The following COL24A1 variants were observed in gnomAD, a reference collection of about 807,000 sequenced individuals.
The protein encoded by COL24A1 is collagen alpha-1(XXIV) chain.
Under a neutral mutation model 253.9 loss-of-function variants are expected in COL24A1, and 224 were observed. The observed-to-expected ratio is 0.88, with a 90% confidence interval of 0.79 to 0.99. COL24A1 has a LOEUF of 0.99. Among genes scored for constraint, COL24A1 ranks in the 50% least tolerant of loss-of-function variants. COL24A1 has a pLI of 0.00. For missense variants in COL24A1, 2,131 were observed against 2,068.5 expected, an observed-to-expected ratio of 1.03 and a Z score of -0.59; for synonymous variants, 685 against 673.7, an observed-to-expected ratio of 1.02 and a Z score of -0.26.
intron 25 of COL24A1, 139 bp downstream of exon 25, chr1:85,911,241 A>G (rs1239912602): frequency 1.5e-6 from 1 of 646,778 alleles, no homozygotes; most frequent in Non-Finnish European, 2.7e-6. Context: ...ATATTTCAAT[A>G]TATTTAAGAT....
chr1:85,867,727 T>C (rs191222446), intron 37 of COL24A1, among the ~76,000 whole-genome samples: 1 of 152,132 alleles, frequency 6.6e-6, no homozygotes, highest in African/African-American at 2.4e-5. Context: ...AAAGATGCTA[T>C]TTTCTCTCTC....
chr1:85,883,657 C>G (rs1234433116), intron 32 of COL24A1: 1 of 152,108 alleles, frequency 6.6e-6, no homozygotes, highest in African/African-American at 2.4e-5. Context: ...TAACCCAAGT[C>G]CATTTTCTTT....
chr1:85,885,469 C>T (rs1682390964), intron 32 of COL24A1, among the ~76,000 whole-genome samples: 1 of 151,004 alleles, frequency 6.6e-6, no homozygotes, highest in Admixed American at 6.6e-5. Flanking sequence ...GATCCACCTG[C>T]TTTGGCCTCC....
intron 20 of COL24A1, among the ~76,000 whole-genome samples, chr1:85,983,698 T>C (rs1012728299): frequency 6.6e-6 from 1 of 151,858 alleles, no homozygotes. Context: ...GCTTCTATGA[T>C]ACAGTACACC....
At chr1:85,761,282 A>C in intron 55 of COL24A1, 114 bp downstream of exon 55, 3 of 1,179,000 alleles carry the variant, frequency 2.5e-6, no homozygotes, top group South Asian at 2.8e-5. Flanking sequence ...AGCAAAAAAG[A>C]ACAGAGGTAT....
chr1:86,149,905 A>G (rs1350530216), intron 1 of COL24A1, among the ~76,000 whole-genome samples: 6 of 152,220 alleles, frequency 3.9e-5, no homozygotes, highest in Non-Finnish European at 7.3e-5. Flanking sequence ...AATGACTGAA[A>G]TAGATTCTCT....
At chr1:85,816,743 A>G in intron 47 of COL24A1, 45 bp downstream of exon 47, 1 of 1,479,346 alleles carries the variant, frequency 6.8e-7, no homozygotes, top group Non-Finnish European at 9.5e-7. Flanking sequence ...GCAAGGAGAC[A>G]CATGCATAGG....
intron 2 of COL24A1, among the ~76,000 whole-genome samples, chr1:86,133,258 C>T (rs530062894): frequency 3.2e-4 from 48 of 152,132 alleles, no homozygotes; most frequent in African/African-American, 1.1e-3. Context: ...GGGGCTGAGA[C>T]GATGGGGTTT....
intron 53 of COL24A1, among the ~76,000 whole-genome samples, chr1:85,763,473 G>A (rs1667035295): frequency 6.8e-6 from 1 of 146,536 alleles, no homozygotes; most frequent in East Asian, 2.0e-4. Context: ...GATTGTCTCT[G>A]TTAATTTTCT....
At chr1:85,945,639 T>C (rs944798090) in intron 24 of COL24A1, among the ~76,000 whole-genome samples, 22 of 148,002 alleles carry the variant, frequency 1.5e-4, no homozygotes, top group African/African-American at 5.3e-4. Context: ...ACTAGATACA[T>C]ACTAAGCTAG....
At chr1:85,754,701 A>G (rs2101028890) in intron 55 of COL24A1, among the ~76,000 whole-genome samples, 1 of 152,270 alleles carries the variant, frequency 6.6e-6, no homozygotes, top group East Asian at 1.9e-4. Flanking sequence ...TTTACTAGAT[A>G]GGCTCTACAG....
At chr1:86,007,037 C>A (rs1204845726) in intron 19 of COL24A1, among the ~76,000 whole-genome samples, 2 of 149,038 alleles carry the variant, frequency 1.3e-5, no homozygotes, top group South Asian at 2.1e-4. Context: ...CATAGTGAGA[C>A]CTTGTCTCTA....
At chr1:85,761,356 CT>C in intron 55 of COL24A1, 39 bp downstream of exon 55, 1 of 1,608,900 alleles carries the variant, frequency 6.2e-7, no homozygotes, top group South Asian at 1.1e-5. Context: ...ATATGACATA[CT>C]AAGATAAAAC....
chr1:86,077,929 C>T (rs1326084587), intron 7 of COL24A1, among the ~76,000 whole-genome samples: 1 of 152,002 alleles, frequency 6.6e-6, no homozygotes. Flanking sequence ...ACGTGTATAC[C>T]TATGTAACAA....
intron 19 of COL24A1, among the ~76,000 whole-genome samples, chr1:85,992,738 A>G (rs1049348067): frequency 5.3e-5 from 8 of 152,226 alleles, no homozygotes. Flanking sequence ...AAAATAATTT[A>G]GAAAACATTA....
At chr1:85,823,637 T>G in intron 44 of COL24A1, 48 bp from the exon 45 acceptor site, 1 of 1,612,920 alleles carries the variant, frequency 6.2e-7, no homozygotes, top group Non-Finnish European at 8.5e-7. Flanking sequence ...AGAGACCAAA[T>G]AAGTTATATT....
intron 57 of COL24A1, among the ~76,000 whole-genome samples, chr1:85,743,077 A>G (rs1664829325): frequency 6.6e-6 from 1 of 152,124 alleles, no homozygotes; most frequent in African/African-American, 2.4e-5. Flanking sequence ...TATTAGCTAG[A>G]GTAATATTTT....
intron 19 of COL24A1, among the ~76,000 whole-genome samples, chr1:86,009,764 G>A (rs1696324422): frequency 6.6e-6 from 1 of 152,062 alleles, no homozygotes; most frequent in African/African-American, 2.4e-5. Flanking sequence ...GTTTACAACA[G>A]CATCACCACA....
At chr1:85,911,478 G>A in intron 24 of COL24A1, 45 bp from the exon 25 acceptor site, 1 of 1,418,188 alleles carries the variant, frequency 7.1e-7, no homozygotes, top group Non-Finnish European at 1.0e-6. Flanking sequence ...ATATTGTATT[G>A]CTATTGTAGT....
Sources: gnomAD v4.1 joint callset for allele counts (sites outside exome capture counted in the v4.1 genomes callset) on GRCh38, gnomAD v4.1.1 for gene constraint, MANE v1.5 for transcripts, NCBI Gene and HGNC (gene_info 2026-07-23, HGNC 2026-07-21) for gene names.